The following OMA1 variants were observed in gnomAD, a reference collection of about 807,000 sequenced individuals.
The protein encoded by OMA1 is OMA1 zinc metallopeptidase, also known as metalloendopeptidase OMA1, mitochondrial.
OMA1 carries 38 observed loss-of-function variants against 30.9 expected under a neutral mutation model. The observed-to-expected ratio is 1.23, with a 90% CI of 0.95 to 1.61. The LOEUF is 1.61. Ranked by LOEUF, OMA1 falls within the 40% of genes most tolerant of loss-of-function variation. The pLI is 0.00. For synonymous variants in OMA1, 173 were observed against 121.9 expected (o/e 1.42, Z -2.76); for missense variants, 461 against 349.2 (o/e 1.32, Z -2.55).
chr1:58,510,029 T>G (rs1043535656), intron 7 of OMA1, among the ~76,000 whole-genome samples: 1 of 152,110 alleles, frequency 6.6e-6, no homozygotes, highest in African/African-American at 2.4e-5. Context: ...CAGAACCAGA[T>G]GACCTCACTG....
chr1:58,513,324 G>A (rs558966097), intron 7 of OMA1, among the ~76,000 whole-genome samples: 1 of 152,188 alleles, frequency 6.6e-6, no homozygotes, highest in Non-Finnish European at 1.5e-5. Context: ...ATGGAGAACT[G>A]TGAGTCAATT....
chr1:58,541,902 T>C (rs995448649), intron 1 of OMA1, among the ~76,000 whole-genome samples: 1 of 152,192 alleles, frequency 6.6e-6, no homozygotes, highest in African/African-American at 2.4e-5. Context: ...TAGTTACATA[T>C]GTGTTCCTTA....
intron 8 of OMA1, among the ~76,000 whole-genome samples, chr1:58,500,049 T>G (rs1484340654): frequency 6.6e-6 from 1 of 152,152 alleles, no homozygotes; most frequent in Non-Finnish European, 1.5e-5. Flanking sequence ...GCAAGACATT[T>G]CAAGAGGGAA....
At chr1:58,530,023 G>T (rs1438608888) in intron 6 of OMA1, among the ~76,000 whole-genome samples, 2 of 152,008 alleles carry the variant, frequency 1.3e-5, no homozygotes, top group Non-Finnish European at 2.9e-5. Context: ...TGAGACTACA[G>T]GCGCCCGCCA....
chr1:58,484,544 T>C (rs1054740339), intron 8 of OMA1, among the ~76,000 whole-genome samples: 3 of 152,182 alleles, frequency 2.0e-5, no homozygotes, highest in Non-Finnish European at 1.5e-5. Context: ...TTAGAAAATA[T>C]CAGCTCAATT....
intron 8 of OMA1, among the ~76,000 whole-genome samples, chr1:58,487,273 C>T (rs1645592278): frequency 6.6e-6 from 1 of 152,184 alleles, no homozygotes; most frequent in African/African-American, 2.4e-5. Flanking sequence ...GAAAGAGGAA[C>T]TGAAGATGAG....
chr1:58,499,078 G>C lies in OMA1; in HGVS notation c.1365+6982C>G, dbSNP rs536899742. On this transcript the variant is annotated intron_variant, in intron 8 of 8. Coordinates refer to ENST00000371226, the MANE Select transcript of OMA1 (RefSeq NM_145243.5). ...TGAACATGATAAAATCCTACCATTT[G>C]TAACAGTATGGATAAATCTGGAGGA... Among the ~76,000 whole-genome samples the C allele has an allele frequency of 7.9e-5, 12 of 152,146 alleles. No homozygotes were observed. The South Asian group carries it at 2.3e-3, about 29-fold the overall frequency.
chr1:58,518,282 A>AG (rs1376631597), intron 7 of OMA1, among the ~76,000 whole-genome samples: 76 of 6,536 alleles, frequency 0.012, 6 homozygotes, highest in South Asian at 0.026. Context: ...GGAGAGGAGA[A>AG]GAGAAGAGAA....
intron 1 of OMA1, chr1:58,541,698 T>G (rs1336856874): frequency 6.6e-6 from 1 of 151,244 alleles, no homozygotes; most frequent in Non-Finnish European, 1.5e-5. Context: ...GAATTGAATT[T>G]CAAGTTGTTT....
intron 6 of OMA1, among the ~76,000 whole-genome samples, chr1:58,528,898 T>C (rs775235648): frequency 2.0e-4 from 30 of 152,324 alleles, no homozygotes; most frequent in Middle Eastern, 6.8e-3. Context: ...TTTATTTTCA[T>C]TGACGAATTA....
At chr1:58,543,598 T>C (rs1432459405) in intron 1 of OMA1, among the ~76,000 whole-genome samples, 1 of 152,148 alleles carries the variant, frequency 6.6e-6, no homozygotes, top group Non-Finnish European at 1.5e-5. Context: ...ATTTCTAAAA[T>C]GCAAACCCTG....
intron 7 of OMA1, among the ~76,000 whole-genome samples, chr1:58,524,281 G>A (rs1009903045): frequency 6.6e-6 from 1 of 152,114 alleles, no homozygotes; most frequent in African/African-American, 2.4e-5. Context: ...TTTTCTTAAA[G>A]CATCTGGGAA....
chr1:58,508,081 T>C (rs1383786257), intron 7 of OMA1, among the ~76,000 whole-genome samples: 1 of 152,152 alleles, frequency 6.6e-6, no homozygotes, highest in Non-Finnish European at 1.5e-5. Flanking sequence ...CTGAAGGGAA[T>C]CTTTAAAGCA....
intron 3 of OMA1, 74 bp downstream of exon 3, chr1:58,536,439 T>C: frequency 1.4e-6 from 1 of 715,340 alleles, no homozygotes; most frequent in South Asian, 1.7e-5. Flanking sequence ...CAACATATCT[T>C]TCACATTTAA....
intron 7 of OMA1, among the ~76,000 whole-genome samples, chr1:58,507,116 AT>A (rs1251709761): frequency 6.6e-6 from 1 of 152,018 alleles, no homozygotes; most frequent in Non-Finnish European, 1.5e-5. Flanking sequence ...ACATTATTTT[AT>A]AATTAAAATT....
intron 8 of OMA1, among the ~76,000 whole-genome samples, chr1:58,493,049 A>C (rs1645727771): frequency 6.6e-6 from 1 of 152,238 alleles, no homozygotes. Flanking sequence ...CCAGCAGCAC[A>C]TCGAAAAGCT....
intron 1 of OMA1, among the ~76,000 whole-genome samples, chr1:58,541,983 T>C (rs1258699699): frequency 6.6e-6 from 1 of 152,228 alleles, no homozygotes; most frequent in African/African-American, 2.4e-5. Flanking sequence ...CAACCTAAGC[T>C]AATACGATAT....
At chr1:58,498,594 A>G (rs1016063280) in intron 8 of OMA1, among the ~76,000 whole-genome samples, 2 of 152,182 alleles carry the variant, frequency 1.3e-5, no homozygotes, top group Admixed American at 6.5e-5. Context: ...GATAATGCCT[A>G]TATGGCTACT....
chr1:58,484,049 T>G (rs948332264), intron 8 of OMA1, among the ~76,000 whole-genome samples: 1 of 152,168 alleles, frequency 6.6e-6, no homozygotes, highest in African/African-American at 2.4e-5. Context: ...TCTTTGTGTA[T>G]TCAGTAAAAA....
Sources: gnomAD v4.1 joint callset for allele counts (sites outside exome capture counted in the v4.1 genomes callset) on GRCh38, gnomAD v4.1.1 for gene constraint, MANE v1.5 for transcripts, NCBI Gene and HGNC (gene_info 2026-07-23, HGNC 2026-07-21) for gene names.